ZNF292: variants seen among roughly 807,000 people sequenced by gnomAD.
ZNF292 encodes 16 zinc-finger domain protein.
Under a neutral mutation model 217.9 loss-of-function variants are expected in ZNF292, and 26 were observed. The observed-to-expected ratio is 0.12, with a 90% CI of 0.09 to 0.17. The LOEUF (loss-of-function observed/expected upper bound fraction) is 0.17, where lower values mean the gene tolerates loss of function less well. ZNF292 is among the 10% of genes least tolerant of loss of function. The pLI, the probability that ZNF292 is intolerant of heterozygous loss-of-function variation, is 1.00. For missense variants in ZNF292, 2,904 were observed against 3,175.2 expected, an observed-to-expected ratio of 0.91 and a Z score of 2.05; for synonymous variants, 1,257 against 1,124.1, an observed-to-expected ratio of 1.12 and a Z score of -2.37.
At position 87,256,797 on chromosome 6, in the gene ZNF292, A is replaced by T; in HGVS notation, c.3168A>T (p.Thr1056=). Residue 1056 remains threonine (T), a synonymous_variant, in exon 8 of 8, where the codon ACA becomes ACT. Transcript: ENST00000369577. ...SKFECGDNVK[T]SSNLYNLPLK... ...TTGAATGTGGAGATAATGTTAAAAC[A>T]TCATCCAATCTTTATAATTTACCTC... 1 of 1,613,374 alleles carries T rather than the reference A, an allele frequency of 6.2e-7. No homozygotes were observed. The highest frequency in any genetic ancestry group is 1.1e-5 in the South Asian group (1 of 91,082).
At chr6:87,246,094 G>T (rs1465906222) in intron 7 of ZNF292, among the ~76,000 whole-genome samples, 1 of 152,120 alleles carries the variant, frequency 6.6e-6, no homozygotes, top group East Asian at 1.9e-4. Flanking sequence ...AGCCAGGTGT[G>T]GTGGCGTGCA....
intron 1 of ZNF292, among the ~76,000 whole-genome samples, chr6:87,167,048 C>G (rs1159717815): frequency 6.6e-6 from 1 of 152,174 alleles, no homozygotes; most frequent in Non-Finnish European, 1.5e-5. Context: ...TTACTTGACT[C>G]TTTTCCTGAA....
intron 6 of ZNF292, among the ~76,000 whole-genome samples, chr6:87,244,426 G>GATGACT: frequency 6.6e-6 from 1 of 152,332 alleles, no homozygotes; most frequent in South Asian, 2.1e-4. Flanking sequence ...GAAAATCAGT[G>GATGACT]ATGACTAAGA....
chr6:87,258,779 C>G lies in ZNF292; in HGVS notation c.5150C>G (p.Ala1717Gly), dbSNP rs769862254. The change falls in exon 8 of 8, where the codon GCC becomes GGC. Residue 1717 changes from alanine to glycine, a missense_variant. Ala to Gly is a moderately conservative substitution (Grantham distance 60). Coordinates refer to ENST00000369577, the MANE Select transcript of ZNF292 (RefSeq NM_015021.3). ...AGTCTTGAGTCCCATACAGTGTTAG[C>G]CCCTTTAACATTAAAAACTGAAAAT... ...KTSLESHTVL[A>G]PLTLKTENGD... The G allele has an allele frequency of 6.8e-6, 11 of 1,613,352 alleles. No individual in the cohort carries two copies. In the East Asian group the frequency reaches 2.5e-4, roughly 36 times the overall value.
At position 87,258,349 on chromosome 6, in the gene ZNF292, G is replaced by A. The variant is rs536749470; in HGVS notation, c.4720G>A (p.Asp1574Asn). The A allele has an allele frequency of 6.2e-7, 1 of 1,613,610 alleles. No individual in the cohort carries two copies. Among genetic ancestry groups the A allele is most frequent in the African/African-American group, 1.3e-5 (1 of 75,024 alleles). The change falls in exon 8 of 8, where the codon GAC becomes AAC. Residue 1574 changes from aspartate to asparagine, a missense_variant. Asp to Asn is a conservative substitution (Grantham distance 23, BLOSUM62 1). Coordinates refer to ENST00000369577, the MANE Select transcript of ZNF292 (RefSeq NM_015021.3). ...CAGCTTGCCTGTTTTTCCAACGAAT[G>A]ACTTACTACTGAAGACTGTTGAAAA... ...CSSLPVFPTN[D>N]LLLKTVENGL...
intron 5 of ZNF292, among the ~76,000 whole-genome samples, chr6:87,242,844 C>T (rs1036048468): frequency 1.3e-5 from 2 of 152,100 alleles, no homozygotes; most frequent in Non-Finnish European, 2.9e-5. Flanking sequence ...AAGTTGCCTT[C>T]ATCTAGGTTA....
chr6:87,159,564 G>T (rs564144643), intron 1 of ZNF292, among the ~76,000 whole-genome samples: 4 of 147,900 alleles, frequency 2.7e-5, no homozygotes, highest in African/African-American at 5.0e-5. Context: ...GTGCAATGGC[G>T]CAATCTGGGC....
intron 1 of ZNF292, among the ~76,000 whole-genome samples, chr6:87,198,350 G>A (rs1163401577): frequency 1.3e-5 from 2 of 151,980 alleles, no homozygotes; most frequent in African/African-American, 2.4e-5. Flanking sequence ...GACTACAGGC[G>A]TCCGCCACCA....
chr6:87,251,026 T>G (rs1286799419), intron 7 of ZNF292, among the ~76,000 whole-genome samples: 1 of 152,208 alleles, frequency 6.6e-6, no homozygotes, highest in East Asian at 1.9e-4. Flanking sequence ...AACCCACTTG[T>G]CTATTTTCGT....
intron 4 of ZNF292, chr6:87,222,961 T>G: frequency 3.1e-6 from 1 of 325,030 alleles, no homozygotes; most frequent in South Asian, 2.7e-5. Context: ...ACTGGGGTTA[T>G]GGGTTTTGAG....
At chr6:87,157,688 T>C (rs1196586249) in intron 1 of ZNF292, among the ~76,000 whole-genome samples, 1 of 152,120 alleles carries the variant, frequency 6.6e-6, no homozygotes, top group Non-Finnish European at 1.5e-5. Context: ...AAGATTTTTA[T>C]TTATTTATTT....
chr6:87,233,322 A>C lies in ZNF292; in HGVS notation c.539-3A>C. On this transcript the variant is annotated splice_region_variant and splice_polypyrimidine_tract_variant and intron_variant, in intron 4 of 7. Transcript: ENST00000369577. ...ATAATCTATTATGTCTTGTTTTTTA[A>C]AGTGAATGAATTTTTAGCTTTTGAG... The C allele has an allele frequency of 6.3e-7, 1 of 1,598,802 alleles. No homozygotes were observed. Among genetic ancestry groups the C allele is most frequent in the African/African-American group, 1.3e-5 (1 of 74,630 alleles).
rs753387110 is a variant in ZNF292 at position 87,260,247 on chromosome 6, T to A, written c.6618T>A (p.Ser2206Arg). 30 of 1,613,648 alleles carry A rather than the reference T, an allele frequency of 1.9e-5. No homozygotes were observed. The highest frequency in any genetic ancestry group is 2.5e-5 in the Non-Finnish European group (30 of 1,179,640). Residue 2206 changes from serine (S) to arginine (R), a missense_variant, in exon 8 of 8, where the codon AGT (serine) becomes AGA (arginine). By Grantham distance (110) the Ser-to-Arg change is moderately radical. This residue lies in a region of ZNF292 where 261 missense variants were observed against 272.8 expected (regional missense o/e 0.96). Transcript: ENST00000369577. ...AAATGACTCCTGAAGAAATTGAAAGTATGACTGCTTCAGTGGATGTTGGGA... is the reference window on the plus strand; with the variant it reads ...AAATGACTCCTGAAGAAATTGAAAGAATGACTGCTTCAGTGGATGTTGGGA... ...LHEMTPEEIE[S>R]MTASVDVGKF...
chr6:87,252,158 G>T (rs1023417669), intron 7 of ZNF292, among the ~76,000 whole-genome samples: 38 of 148,428 alleles, frequency 2.6e-4, no homozygotes, highest in African/African-American at 7.0e-4. Context: ...TTTGTTTTTT[G>T]TGTTTTTTTT....
chr6:87,244,684 T>C (rs1044646233), intron 6 of ZNF292, among the ~76,000 whole-genome samples: 2 of 152,204 alleles, frequency 1.3e-5, no homozygotes, highest in African/African-American at 4.8e-5. Flanking sequence ...GGGAAATTAC[T>C]GTGGCACAGA....
In ZNF292 at chr6:87,155,929, C is replaced by T. The variant is rs181276158; in HGVS notation, c.168+170C>T. 9.4e-3 allele frequency among the ~76,000 whole-genome samples: 1,438 copies of T among 152,326 alleles called. 19 individuals are homozygous for T. Among genetic ancestry groups the T allele is most frequent in the African/African-American group, 0.033 (1,354 of 41,562 alleles). ...CGCCTTTGTGTGGCTGCAGTTGTGG[C>T]GGTTGTTGTCGTCTGCAGCTCCTGG... On this transcript the variant is annotated intron_variant, in intron 1 of 7. Coordinates refer to ENST00000369577, the MANE Select transcript of ZNF292 (RefSeq NM_015021.3).
At chr6:87,230,558 C>T (rs781623143) in intron 4 of ZNF292, among the ~76,000 whole-genome samples, 3 of 151,896 alleles carry the variant, frequency 2.0e-5, no homozygotes, top group Non-Finnish European at 4.4e-5. Context: ...ACGGTGAAAC[C>T]CCATCTCTAC....
At chr6:87,172,633 T>A (rs1219202418) in intron 1 of ZNF292, among the ~76,000 whole-genome samples, 1 of 152,130 alleles carries the variant, frequency 6.6e-6, no homozygotes, top group Non-Finnish European at 1.5e-5. Flanking sequence ...GGACCAGGCA[T>A]GGTGGCTCAT....
chr6:87,199,507 A>G lies in ZNF292; in HGVS notation c.169-16396A>G, dbSNP rs373746768. 1.7e-4 allele frequency among the ~76,000 whole-genome samples: 26 copies of G among 152,184 alleles called. No homozygotes were observed. In the East Asian group the frequency reaches 3.5e-3, roughly 20 times the overall value. ...TTTTATTTTGATGAATTGAAGTCCA[A>G]TTTATGAACTTTATAAAAATAGATC... On this transcript the variant is annotated intron_variant, in intron 1 of 7. Coordinates refer to ENST00000369577, the MANE Select transcript of ZNF292 (RefSeq NM_015021.3).
Sources: gnomAD v4.1 joint callset for allele counts (sites outside exome capture counted in the v4.1 genomes callset) on GRCh38, gnomAD v4.1.1 for gene constraint, gnomAD v4.1.1 regional missense constraint, MANE v1.5 for transcripts, NCBI Gene and HGNC (gene_info 2026-07-23, HGNC 2026-07-21) for gene names.